CAMK1D: variants seen among roughly 807,000 people sequenced by gnomAD.
CAMK1D encodes calcium/calmodulin dependent protein kinase ID.
In CAMK1D, 9 loss-of-function variants were observed where a neutral mutation model predicts 47.7. That is an observed-to-expected ratio of 0.19 (90% confidence interval 0.11 to 0.33). The LOEUF is 0.33. CAMK1D is among the 10% of genes least tolerant of loss of function. CAMK1D has a pLI of 1.00. For synonymous variants in CAMK1D, 184 were observed against 184.9 expected (o/e 0.99, Z 0.04); for missense variants, 291 against 488.7 (o/e 0.60, Z 3.81).
At chr10:12,461,306 G>A (rs576757006) in intron 1 of CAMK1D, among the ~76,000 whole-genome samples, 1 of 152,286 alleles carries the variant, frequency 6.6e-6, no homozygotes, top group Admixed American at 6.5e-5. Flanking sequence ...ATAAGAATAG[G>A]GTAGCAAAAG....
At chr10:12,723,915 C>G (rs1834503216) in intron 3 of CAMK1D, among the ~76,000 whole-genome samples, 2 of 152,168 alleles carry the variant, frequency 1.3e-5, no homozygotes, top group Admixed American at 6.5e-5. Flanking sequence ...CCCACTCCCC[C>G]TACCCCACAA....
chr10:12,820,206 A>AT (rs1439524895), intron 8 of CAMK1D, among the ~76,000 whole-genome samples: 2 of 152,092 alleles, frequency 1.3e-5, no homozygotes, highest in African/African-American at 4.8e-5. Flanking sequence ...CATCCAGCTA[A>AT]TTTTTGTATT....
At chr10:12,653,657 A>G (rs1447062217) in intron 2 of CAMK1D, among the ~76,000 whole-genome samples, 1 of 152,248 alleles carries the variant, frequency 6.6e-6, no homozygotes, top group African/African-American at 2.4e-5. Flanking sequence ...TATGAGTTCA[A>G]TCCCCCTAAG....
chr10:12,447,660 C>CCA (rs1221678295), intron 1 of CAMK1D, among the ~76,000 whole-genome samples: 6 of 152,104 alleles, frequency 3.9e-5, no homozygotes, highest in Non-Finnish European at 1.5e-5. Flanking sequence ...CAAGATTGTG[C>CCA]CACAGCATTC....
chr10:12,545,610 G>A (rs1836341586), intron 1 of CAMK1D, among the ~76,000 whole-genome samples: 1 of 151,670 alleles, frequency 6.6e-6, no homozygotes, highest in Non-Finnish European at 1.5e-5. Context: ...GACCATCCTG[G>A]CCAACATGGT....
rs182081364 is a variant in CAMK1D, at chr10:12,490,876, A to G, written c.93-62349A>G. Among the ~76,000 whole-genome samples, 357 of 152,348 alleles carry G rather than the reference A, an allele frequency of 2.3e-3. 4 individuals are homozygous for G. The highest frequency in any genetic ancestry group is 8.4e-3 in the African/African-American group (351 of 41,578). On this transcript the variant is annotated intron_variant, in intron 1 of 10. Transcript: ENST00000619168. Reference sequence around the variant, plus strand: ...CTAAATACGCTGATTTGGTGATGACATACTGTATGCACACATCAGAATATC... The same window carrying G: ...CTAAATACGCTGATTTGGTGATGACGTACTGTATGCACACATCAGAATATC...
chr10:12,763,978 C>T lies in CAMK1D; in HGVS notation c.438+2892C>T, dbSNP rs1007091440. 3.3e-5 allele frequency among the ~76,000 whole-genome samples: 5 copies of T among 152,150 alleles called. No homozygotes were observed. The South Asian group carries it at 6.2e-4, about 19-fold the overall frequency. On this transcript the variant is annotated intron_variant, in intron 4 of 10. Transcript: ENST00000619168. ...ACCCCCACAGCCCTCCTGTTGGGAT[C>T]GGGGATGGGGCCTCCCACCCAGATG...
chr10:12,598,866 CGA>C (rs1838221076), intron 2 of CAMK1D, among the ~76,000 whole-genome samples: 1 of 152,138 alleles, frequency 6.6e-6, no homozygotes, highest in South Asian at 2.1e-4. Context: ...TCTATTTTTA[CGA>C]GGCCTACAAA....
At chr10:12,601,840 G>A (rs975474720) in intron 2 of CAMK1D, among the ~76,000 whole-genome samples, 1 of 152,188 alleles carries the variant, frequency 6.6e-6, no homozygotes, top group South Asian at 2.1e-4. Flanking sequence ...CTGCAGAATC[G>A]TCTTAGCCTC....
intron 5 of CAMK1D, among the ~76,000 whole-genome samples, chr10:12,780,306 T>G (rs1837439924): frequency 6.6e-6 from 1 of 152,200 alleles, no homozygotes; most frequent in South Asian, 2.1e-4. Flanking sequence ...TGTCTGCCAT[T>G]GATTAGATAT....
chr10:12,504,225 T>TACACACACACACACACACACACAC (rs111662084), intron 1 of CAMK1D, among the ~76,000 whole-genome samples: 155 of 147,724 alleles, frequency 1.0e-3, no homozygotes, highest in African/African-American at 3.7e-3. Context: ...ATACACATTT[T>TACACACACACACACACACACACAC]ACACACACAC....
chr10:12,602,709 G>A (rs1471208783), intron 2 of CAMK1D, among the ~76,000 whole-genome samples: 3 of 151,962 alleles, frequency 2.0e-5, no homozygotes, highest in African/African-American at 4.8e-5. Context: ...TTTGTTTGGG[G>A]AGGACCTGCA....
chr10:12,588,262 T>G (rs1837879706), intron 2 of CAMK1D, among the ~76,000 whole-genome samples: 1 of 152,104 alleles, frequency 6.6e-6, no homozygotes, highest in African/African-American at 2.4e-5. Flanking sequence ...CAGAGCTGGT[T>G]TGGCCACAGG....
At chr10:12,572,926 C>A (rs945093446) in intron 2 of CAMK1D, among the ~76,000 whole-genome samples, 1 of 152,130 alleles carries the variant, frequency 6.6e-6, no homozygotes, top group African/African-American at 2.4e-5. Flanking sequence ...CCACCATGCC[C>A]AACCCAAGCA....
chr10:12,649,386 G>T (rs1156733077), intron 2 of CAMK1D, among the ~76,000 whole-genome samples: 4 of 152,170 alleles, frequency 2.6e-5, no homozygotes, highest in South Asian at 2.1e-4. Context: ...GCTGTGTGCT[G>T]GGGGGAGCCC....
chr10:12,549,894 G>A (rs1158565022), intron 1 of CAMK1D, among the ~76,000 whole-genome samples: 1 of 152,140 alleles, frequency 6.6e-6, no homozygotes, highest in Non-Finnish European at 1.5e-5. Flanking sequence ...ATTGTCTCTC[G>A]GGCTGAGTCC....
intron 3 of CAMK1D, among the ~76,000 whole-genome samples, chr10:12,671,157 T>G (rs1342808648): frequency 1.3e-5 from 2 of 152,238 alleles, no homozygotes; most frequent in African/African-American, 2.4e-5. Context: ...TACCAAATAA[T>G]ATTTTATTAT....
chr10:12,669,494 G>T (rs536976611), intron 3 of CAMK1D, among the ~76,000 whole-genome samples: 3 of 152,144 alleles, frequency 2.0e-5, no homozygotes, highest in South Asian at 2.1e-4. Flanking sequence ...ATGTTAAATT[G>T]TATCCTTTTT....
At chr10:12,444,714 G>A (rs72769621) in intron 1 of CAMK1D, among the ~76,000 whole-genome samples, 18,305 of 152,226 alleles carry the variant, frequency 0.12, 1,150 homozygotes, top group Middle Eastern at 0.16. Context: ...TGCATTCAAA[G>A]GTTTTCTGAT....
Sources: gnomAD v4.1 joint callset for allele counts (sites outside exome capture counted in the v4.1 genomes callset) on GRCh38, gnomAD v4.1.1 for gene constraint, MANE v1.5 for transcripts, NCBI Gene and HGNC (gene_info 2026-07-23, HGNC 2026-07-21) for gene names.